The following XRCC5 variants were observed in gnomAD, a reference collection of about 807,000 sequenced individuals.
The protein encoded by XRCC5 is DNA repair protein Ku80.
In XRCC5, 12 loss-of-function variants were observed where a neutral mutation model predicts 95.7. That is an observed-to-expected ratio of 0.13 (90% confidence interval 0.08 to 0.20). The LOEUF is 0.20. Ranked by LOEUF, XRCC5 falls within the 10% of genes least tolerant of loss-of-function variation. XRCC5 has a pLI of 1.00. For synonymous variants in XRCC5, 281 were observed against 290.3 expected, an observed-to-expected ratio of 0.97 and a Z score of 0.33; for missense variants, 595 against 873.9, an observed-to-expected ratio of 0.68 and a Z score of 4.02.
At chr2:216,151,291 C>T (rs1688739557) in intron 14 of XRCC5, among the ~76,000 whole-genome samples, 2 of 152,120 alleles carry the variant, frequency 1.3e-5, no homozygotes, top group Non-Finnish European at 2.9e-5. Flanking sequence ...TGCTGTACAC[C>T]CTTGAAATGA....
chr2:216,137,294 G>A lies in XRCC5; in HGVS notation c.1251+69G>A, dbSNP rs55656983. ...TTATTCTAAGCAGTGTTTCTCAGCT[G>A]TTAATGTTCATGACAATTACTTGGG... is the stretch of plus-strand genomic sequence containing the variant. On this transcript the variant is annotated intron_variant, in intron 11 of 20. Transcript: ENST00000392132. The A allele has an allele frequency of 6.8e-5, 103 of 1,507,734 alleles. No individual in the cohort carries two copies. In the South Asian group the frequency reaches 7.9e-4, roughly 12 times the overall value. The allele number at this position is 1,507,734 out of a possible 1,614,324, so 93.4% of individuals were successfully genotyped here.
chr2:216,203,093 A>C (rs1481636403), intron 19 of XRCC5, among the ~76,000 whole-genome samples: 2 of 152,128 alleles, frequency 1.3e-5, no homozygotes, highest in Admixed American at 6.5e-5. Flanking sequence ...CCATTTTTTC[A>C]TGTTGAGAGT....
intron 18 of XRCC5, among the ~76,000 whole-genome samples, chr2:216,193,968 A>G (rs1006471949): frequency 2.6e-5 from 4 of 152,212 alleles, no homozygotes; most frequent in African/African-American, 9.6e-5. Flanking sequence ...AATGATAGAC[A>G]TGCCCCTTGG....
Position 216,190,213 on chromosome 2 carries a change from C to T in XRCC5, c.1835-12C>T, listed in dbSNP as rs774647136. The T allele has an allele frequency of 1.2e-6, 2 of 1,611,682 alleles. No individual in the cohort carries two copies. The highest frequency in any genetic ancestry group is 1.7e-6 in the Non-Finnish European group (2 of 1,178,628). On this transcript the variant is annotated splice_polypyrimidine_tract_variant and intron_variant, in intron 16 of 20. Coordinates refer to ENST00000392132, the MANE Select transcript of XRCC5 (RefSeq NM_021141.4). The stretch of plus-strand genomic sequence containing the variant: ...ACTCAAATCTAAGAAAATTTGTTGT[C>T]TTATGTTTTAGCGAGTAACCAGCTC...
intron 16 of XRCC5, among the ~76,000 whole-genome samples, chr2:216,182,737 G>T (rs3770498): frequency 0.72 from 110,218 of 152,142 alleles, 41,442 homozygotes; most frequent in East Asian, 0.95. Flanking sequence ...AGTGTACTCC[G>T]TTGTAGAATT....
At chr2:216,201,664 A>G (rs578029724) in intron 19 of XRCC5, among the ~76,000 whole-genome samples, 1 of 152,312 alleles carries the variant, frequency 6.6e-6, no homozygotes, top group East Asian at 1.9e-4. Context: ...TTCTCAGCAT[A>G]TTGCAGAGGG....
chr2:216,115,206 T>G (rs1292470278), intron 2 of XRCC5, among the ~76,000 whole-genome samples: 1 of 152,172 alleles, frequency 6.6e-6, no homozygotes, highest in Non-Finnish European at 1.5e-5. Flanking sequence ...AGAACCGAGA[T>G]TACTGCGGAG....
chr2:216,187,829 T>A (rs867100118), intron 16 of XRCC5, among the ~76,000 whole-genome samples: 3,626 of 89,320 alleles, frequency 0.041, 156 homozygotes, highest in African/African-American at 0.15. Context: ...ACACTCTCTC[T>A]CTCTCTCTCT....
At chr2:216,183,670 G>T (rs1050903039) in intron 16 of XRCC5, among the ~76,000 whole-genome samples, 1 of 152,138 alleles carries the variant, frequency 6.6e-6, no homozygotes, top group Non-Finnish European at 1.5e-5. Context: ...TGAAAGGGAA[G>T]CAGGGAACTT....
chr2:216,129,790 C>T (rs894995150), intron 8 of XRCC5, among the ~76,000 whole-genome samples: 1 of 152,224 alleles, frequency 6.6e-6, no homozygotes, highest in African/African-American at 2.4e-5. Context: ...TCTCCTGCCT[C>T]AGCCTCCTGA....
intron 16 of XRCC5, chr2:216,175,221 C>CA (rs1298607605): frequency 2.7e-6 from 1 of 373,388 alleles, no homozygotes; most frequent in African/African-American, 2.1e-5. Flanking sequence ...TGCCCACCGT[C>CA]ACCTCCACAT....
intron 18 of XRCC5, 138 bp from the exon 19 acceptor site, chr2:216,194,781 G>A: frequency 1.3e-6 from 1 of 786,178 alleles, no homozygotes; most frequent in South Asian, 1.7e-5. Flanking sequence ...GACCAGCCTG[G>A]GCAACATAGT....
At chr2:216,164,632 G>A (rs1689019404) in intron 16 of XRCC5, among the ~76,000 whole-genome samples, 1 of 152,196 alleles carries the variant, frequency 6.6e-6, no homozygotes, top group East Asian at 1.9e-4. Flanking sequence ...CATCATAGAA[G>A]TAGAAAAACT....
chr2:216,171,976 T>G (rs1195310960), intron 16 of XRCC5, among the ~76,000 whole-genome samples: 1 of 152,230 alleles, frequency 6.6e-6, no homozygotes, highest in Non-Finnish European at 1.5e-5. Flanking sequence ...TCAAAGAACA[T>G]TTCTCTCACA....
At chr2:216,127,481 C>G in intron 7 of XRCC5, 55 bp from the exon 8 acceptor site, 3 of 1,539,810 alleles carry the variant, frequency 1.9e-6, no homozygotes, top group Non-Finnish European at 1.7e-6. Context: ...TTTTCATCTT[C>G]TATCAATTGG....
At chr2:216,156,380 CT>C in intron 14 of XRCC5, 1 of 791,698 alleles carries the variant, frequency 1.3e-6, no homozygotes, top group East Asian at 3.1e-5. Context: ...TTGGGCAACC[CT>C]TCAATTTAAG....
chr2:216,152,649 G>GT lies in XRCC5; in HGVS notation c.1670+4386dup, dbSNP rs1295350628. ...TGTGCCCTGGATCCTTTTTTTTCTT[G>GT]TTTTTTTTTTTTTAATTTTAGTTTT... On this transcript the variant is annotated intron_variant, in intron 14 of 20. Transcript: ENST00000392132. 6.2e-3 allele frequency among the ~76,000 whole-genome samples: 862 copies of GT among 138,326 alleles called. 6 individuals are homozygous for GT. The highest frequency in any genetic ancestry group is 7.1e-3 in the East Asian group (34 of 4,800). 90.7% of individuals were successfully genotyped at this position (138,326 alleles called of 152,430 possible). A position where few individuals can be genotyped will look rare whatever the true frequency, so the allele number is the denominator to read the frequency against.
intron 12 of XRCC5, 111 bp from the exon 13 acceptor site, chr2:216,141,075 C>T: frequency 7.6e-7 from 1 of 1,317,206 alleles, no homozygotes; most frequent in Non-Finnish European, 1.1e-6. Flanking sequence ...TTTGGCAGGG[C>T]CAGGACTGTA....
chr2:216,192,735 G>A lies in XRCC5; in HGVS notation c.2041G>A (p.Asp681Asn). The change falls in exon 18 of 21, where the codon GAT (aspartate) becomes AAT (asparagine). Residue 681 changes from aspartate (D) to asparagine (N), a missense_variant and splice_region_variant. Physicochemically the swap from Asp to Asn is conservative, Grantham distance 23 (BLOSUM62 1). Transcript: ENST00000392132. Reference protein sequence around the residue: ...LNHFWEIVVQDGITLITKEEA... With the variant: ...LNHFWEIVVQNGITLITKEEA... ...TCATTTCTGGGAAATTGTTGTCCAG[G>A]GTAAGTTGTCATTTGCCTTTTTTTT... 1.9e-6 allele frequency: 3 copies of A among 1,561,708 alleles called. No individual in the cohort carries two copies. The highest frequency in any genetic ancestry group is 1.4e-5 in the African/African-American group (1 of 72,322).
Sources: gnomAD v4.1 joint callset for allele counts (sites outside exome capture counted in the v4.1 genomes callset) on GRCh38, gnomAD v4.1.1 for gene constraint, MANE v1.5 for transcripts, NCBI Gene and HGNC (gene_info 2026-07-23, HGNC 2026-07-21) for gene names.